TMEM167A: variants seen among roughly 807,000 people sequenced by gnomAD.
The protein encoded by TMEM167A is protein kish-A.
Under a neutral mutation model 11.6 loss-of-function variants are expected in TMEM167A, and 8 were observed. The ratio of observed to expected loss-of-function variants is 0.69; its 90% CI spans 0.40 to 1.24. TMEM167A has a LOEUF of 1.24. Ranked by LOEUF, TMEM167A falls within the 50% of genes most tolerant of loss-of-function variation. The probability of loss-of-function intolerance (pLI) is 0.01; values close to 1 mark genes in which losing one functional copy is unlikely to be tolerated. For synonymous variants in TMEM167A, 22 were observed against 28.0 expected, an observed-to-expected ratio of 0.79 and a Z score of 0.67; for missense variants, 62 against 87.0, an observed-to-expected ratio of 0.71 and a Z score of 1.14.
chr5:83,074,625 T>C (rs6452504), intron 1 of TMEM167A, among the ~76,000 whole-genome samples: 73,164 of 152,084 alleles, frequency 0.48, 18,182 homozygotes, highest in African/African-American at 0.57. Context: ...CTAACTCTGT[T>C]TGGCTCAGTC....
At chr5:83,065,217 C>T (rs567583050) in intron 1 of TMEM167A, 100 bp from the exon 2 acceptor site, 2 of 711,046 alleles carry the variant, frequency 2.8e-6, no homozygotes, top group Admixed American at 5.8e-5. Flanking sequence ...TTTATTTCTT[C>T]AAGAAGGCAA....
intron 1 of TMEM167A, among the ~76,000 whole-genome samples, chr5:83,068,866 G>A (rs191590626): frequency 2.6e-5 from 4 of 152,162 alleles, no homozygotes; most frequent in African/African-American, 9.7e-5. Context: ...ATGCTTAAAT[G>A]ATATAATGTT....
intron 3 of TMEM167A, among the ~76,000 whole-genome samples, chr5:83,058,483 T>C (rs1161208436): frequency 3.3e-5 from 5 of 151,968 alleles, no homozygotes; most frequent in Non-Finnish European, 5.9e-5. Context: ...AAAAAAATCT[T>C]GGGTCACAAT....
At chr5:83,057,829 T>C (rs1243338691) in intron 3 of TMEM167A, among the ~76,000 whole-genome samples, 3 of 152,106 alleles carry the variant, frequency 2.0e-5, no homozygotes, top group Non-Finnish European at 4.4e-5. Flanking sequence ...TGCTTTCCTT[T>C]GTACGAAGTA....
Position 83,057,096 on chromosome 5 carries a change from G to C in TMEM167A, c.207C>G (p.Leu69=). ...GCATTTTCCCCAGCTACTGTATGAA[G>C]AGGATGCTGAAGGCCATTACTATAC... ...VCCIVMAFSI[L]FIQ is the part of the protein sequence containing the mutation. The change falls in exon 4 of 4, where the codon CTC becomes CTG. Residue 69 remains leucine, a synonymous_variant. Transcript: ENST00000502346. 1 of 1,611,774 alleles carries C rather than the reference G, an allele frequency of 6.2e-7. No homozygotes were observed. The highest frequency in any genetic ancestry group is 1.1e-5 in the South Asian group (1 of 91,008).
intron 1 of TMEM167A, among the ~76,000 whole-genome samples, chr5:83,077,108 G>A (rs190739434): frequency 2.0e-5 from 3 of 152,314 alleles, no homozygotes; most frequent in East Asian, 1.9e-4. Flanking sequence ...GTAGGAAAGC[G>A]GACTTTGCAT....
intron 2 of TMEM167A, chr5:83,064,395 A>G (rs539970414): frequency 7.9e-6 from 4 of 505,488 alleles, no homozygotes; most frequent in Non-Finnish European, 1.6e-5. Flanking sequence ...TTCTACTACT[A>G]TGTAATTATT....
At chr5:83,059,552 T>G (rs1026330249) in intron 3 of TMEM167A, among the ~76,000 whole-genome samples, 3 of 151,630 alleles carry the variant, frequency 2.0e-5, no homozygotes, top group Non-Finnish European at 2.9e-5. Context: ...AAGCATGCGG[T>G]TTGGTGTGTG....
chr5:83,064,540 G>C (rs1052782640), intron 2 of TMEM167A, among the ~76,000 whole-genome samples: 1 of 152,058 alleles, frequency 6.6e-6, no homozygotes, highest in Admixed American at 6.6e-5. Flanking sequence ...CAGTTGGCGG[G>C]TACAGAAGGG....
chr5:83,077,000 C>T (rs1225119186), intron 1 of TMEM167A, among the ~76,000 whole-genome samples: 1 of 152,240 alleles, frequency 6.6e-6, no homozygotes, highest in African/African-American at 2.4e-5. Context: ...CAAGCGGAAA[C>T]TCGAGAAGCG....
At chr5:83,076,148 G>A (rs1580180955) in intron 1 of TMEM167A, among the ~76,000 whole-genome samples, 1 of 152,166 alleles carries the variant, frequency 6.6e-6, no homozygotes, top group Non-Finnish European at 1.5e-5. Flanking sequence ...GGTGTGATCC[G>A]AGGCAAGTCA....
At chr5:83,075,331 G>C (rs1269033691) in intron 1 of TMEM167A, among the ~76,000 whole-genome samples, 4 of 152,136 alleles carry the variant, frequency 2.6e-5, no homozygotes, top group Admixed American at 6.5e-5. Context: ...TTAGGTGTTG[G>C]GGGGAACAAG....
chr5:83,060,209 C>G (rs532831485), intron 3 of TMEM167A, among the ~76,000 whole-genome samples: 1 of 148,590 alleles, frequency 6.7e-6, no homozygotes, highest in Non-Finnish European at 1.5e-5. Context: ...AATGGAGATG[C>G]CTCTTCAATT....
intron 3 of TMEM167A, among the ~76,000 whole-genome samples, chr5:83,057,810 G>A (rs1744353713): frequency 6.6e-6 from 1 of 152,082 alleles, no homozygotes; most frequent in Admixed American, 6.6e-5. Context: ...AGGAATGCTT[G>A]TATTTGGATG....
chr5:83,061,462 C>G (rs561081421), intron 3 of TMEM167A, among the ~76,000 whole-genome samples: 118 of 152,230 alleles, frequency 7.8e-4, no homozygotes, highest in Non-Finnish European at 1.5e-3. Flanking sequence ...CAGGATGGGG[C>G]ACAGTGGTGT....
At chr5:83,060,799 C>A (rs1744396476) in intron 3 of TMEM167A, among the ~76,000 whole-genome samples, 1 of 151,030 alleles carries the variant, frequency 6.6e-6, no homozygotes, top group African/African-American at 2.4e-5. Flanking sequence ...CCACTGCACT[C>A]CAGCCTGGGC....
chr5:83,064,170 A>C, intron 2 of TMEM167A: 1 of 502,838 alleles, frequency 2.0e-6, no homozygotes, highest in Non-Finnish European at 4.0e-6. Context: ...TACATATTTT[A>C]AAATGTAAAA....
intron 3 of TMEM167A, among the ~76,000 whole-genome samples, chr5:83,058,344 T>C (rs1744361705): frequency 6.6e-6 from 1 of 152,032 alleles, no homozygotes; most frequent in Admixed American, 6.6e-5. Flanking sequence ...ACTTTTGGGG[T>C]TTTTCTGAAA....
intron 3 of TMEM167A, 22 bp from the exon 4 acceptor site, chr5:83,057,176 T>C (rs760546237): frequency 6.8e-6 from 11 of 1,607,666 alleles, no homozygotes; most frequent in East Asian, 6.7e-5. Context: ...AAGGAGATGT[T>C]CATCTTGATT....
Sources: allele counts gnomAD v4.1 joint callset (sites outside exome capture counted in the v4.1 genomes callset), GRCh38; gene constraint gnomAD v4.1.1; transcripts MANE v1.5; gene names NCBI Gene and HGNC (gene_info 2026-07-23, HGNC 2026-07-21).